The following STXBP5L variants were observed in gnomAD, a reference collection of about 807,000 sequenced individuals.
STXBP5L encodes the protein syntaxin-binding protein 5-like.
Under a neutral mutation model 144.5 loss-of-function variants are expected in STXBP5L, and 65 were observed. The observed-to-expected ratio is 0.45, with a 90% CI of 0.37 to 0.55. The LOEUF is 0.55. STXBP5L is among the 20% of genes least tolerant of loss of function. The probability of loss-of-function intolerance (pLI) is 0.00; values close to 1 mark genes in which losing one functional copy is unlikely to be tolerated. For synonymous variants in STXBP5L, 505 were observed against 469.6 expected (o/e 1.08, Z -0.97); for missense variants, 1,298 against 1,405.5 (o/e 0.92, Z 1.22).
At chr3:121,123,842 T>C (rs1048128213) in intron 7 of STXBP5L, among the ~76,000 whole-genome samples, 2 of 151,840 alleles carry the variant, frequency 1.3e-5, no homozygotes, top group Admixed American at 1.3e-4. Context: ...TTTCCATCAA[T>C]AGTCTTTTGT....
At chr3:121,300,533 C>T (rs982945500) in intron 19 of STXBP5L, among the ~76,000 whole-genome samples, 4 of 151,442 alleles carry the variant, frequency 2.6e-5, no homozygotes, top group African/African-American at 9.7e-5. Flanking sequence ...TTTTTTTCAA[C>T]ATAGGAGAAG....
chr3:121,167,413 C>T (rs1363236699), intron 9 of STXBP5L, among the ~76,000 whole-genome samples: 1 of 152,084 alleles, frequency 6.6e-6, no homozygotes. Flanking sequence ...TAAAAATTCT[C>T]ATCAAAAACA....
intron 5 of STXBP5L, among the ~76,000 whole-genome samples, chr3:121,100,315 C>A (rs1466078170): frequency 6.6e-6 from 1 of 152,140 alleles, no homozygotes; most frequent in Non-Finnish European, 1.5e-5. Context: ...CTTCTGCACA[C>A]AGAACATACT....
chr3:121,079,040 C>G (rs1236541122), intron 5 of STXBP5L, among the ~76,000 whole-genome samples: 5 of 152,252 alleles, frequency 3.3e-5, no homozygotes, highest in Non-Finnish European at 7.3e-5. Flanking sequence ...TCAAGTGCCA[C>G]CAAAGTGGGA....
At chr3:121,142,414 A>G (rs892718933) in intron 7 of STXBP5L, among the ~76,000 whole-genome samples, 3 of 151,990 alleles carry the variant, frequency 2.0e-5, no homozygotes, top group Non-Finnish European at 4.4e-5. Context: ...GACTTAACAT[A>G]TATACAGAAC....
At position 121,354,144 on chromosome 3, in the gene STXBP5L, A is replaced by G. The variant is rs189119133; in HGVS notation, c.2177-24572A>G. Among the ~76,000 whole-genome samples the G allele has an allele frequency of 9.9e-5, 15 of 152,250 alleles. 1 individual carries two copies. The East Asian group carries it at 2.9e-3, about 29-fold the overall frequency. ...AATAAGTGCAATGTGGTGCTGAGAA[A>G]AATGTATATTCTGTTGATTTGGGGT... On this transcript the variant is annotated intron_variant, in intron 20 of 26. Coordinates refer to ENST00000471454, the MANE Select transcript of STXBP5L (RefSeq NM_001308330.2).
At chr3:120,991,643 G>C (rs369975965) in intron 3 of STXBP5L, among the ~76,000 whole-genome samples, 9 of 151,890 alleles carry the variant, frequency 5.9e-5, no homozygotes, top group African/African-American at 1.9e-4. Flanking sequence ...ATGGAATACT[G>C]TGCAGCCATA....
intron 2 of STXBP5L, among the ~76,000 whole-genome samples, chr3:120,935,780 G>A (rs113495143): frequency 1.3e-4 from 20 of 150,338 alleles, no homozygotes; most frequent in African/African-American, 4.6e-4. Context: ...GTTTTTCTGC[G>A]TTTTTTTTTA....
chr3:120,929,314 T>A (rs1169335266), intron 2 of STXBP5L, among the ~76,000 whole-genome samples: 1 of 152,168 alleles, frequency 6.6e-6, no homozygotes, highest in Non-Finnish European at 1.5e-5. Context: ...GGTTGTAGGT[T>A]AGAGTTCTAT....
intron 20 of STXBP5L, among the ~76,000 whole-genome samples, chr3:121,329,576 T>C (rs1365341764): frequency 3.9e-5 from 6 of 152,286 alleles, no homozygotes; most frequent in Non-Finnish European, 8.8e-5. Flanking sequence ...AAGAATGTAG[T>C]AGGGGTGGGA....
chr3:120,939,823 A>C (rs534775981), intron 2 of STXBP5L, among the ~76,000 whole-genome samples: 75 of 152,156 alleles, frequency 4.9e-4, no homozygotes, highest in Non-Finnish European at 1.0e-3. Context: ...CGGTACAAGT[A>C]TTTGTATTAG....
At chr3:121,346,119 A>T (rs1164774419) in intron 20 of STXBP5L, among the ~76,000 whole-genome samples, 1 of 63,102 alleles carries the variant, frequency 1.6e-5, no homozygotes, top group African/African-American at 6.4e-5. Context: ...CCGACCCCAC[A>T]ACAGGCCCCA....
At chr3:121,212,777 A>T (rs577516369) in intron 10 of STXBP5L, among the ~76,000 whole-genome samples, 1 of 152,214 alleles carries the variant, frequency 6.6e-6, no homozygotes, top group Admixed American at 6.5e-5. Flanking sequence ...TGAGGGGGAT[A>T]GCATTGAATC....
At chr3:120,924,250 G>A (rs979777189) in intron 2 of STXBP5L, among the ~76,000 whole-genome samples, 4 of 152,118 alleles carry the variant, frequency 2.6e-5, no homozygotes, top group African/African-American at 9.7e-5. Context: ...AATTAGAAAA[G>A]CCCAAAGAAA....
chr3:121,373,357 T>C (rs751724025), intron 20 of STXBP5L, among the ~76,000 whole-genome samples: 2 of 152,214 alleles, frequency 1.3e-5, no homozygotes, highest in Non-Finnish European at 2.9e-5. Context: ...CTGAGCCTAG[T>C]ATAAGGAGCT....
intron 3 of STXBP5L, among the ~76,000 whole-genome samples, chr3:121,018,382 A>G (rs189694997): frequency 6.6e-6 from 1 of 152,298 alleles, no homozygotes; most frequent in East Asian, 1.9e-4. Context: ...TAAATAGATC[A>G]ATGATACAAA....
intron 22 of STXBP5L, among the ~76,000 whole-genome samples, chr3:121,403,291 G>A (rs1331001382): frequency 6.6e-6 from 1 of 152,102 alleles, no homozygotes; most frequent in Non-Finnish European, 1.5e-5. Context: ...GCAGTGAAGA[G>A]GTTAATACAA....
At chr3:121,023,093 C>G (rs1025960569) in intron 3 of STXBP5L, among the ~76,000 whole-genome samples, 1 of 151,992 alleles carries the variant, frequency 6.6e-6, no homozygotes, top group Non-Finnish European at 1.5e-5. Context: ...AGTAGCTCTT[C>G]TATACACCAA....
At chr3:121,158,633 A>T (rs768690351) in intron 9 of STXBP5L, 1 of 152,174 alleles carries the variant, frequency 6.6e-6, no homozygotes, top group Non-Finnish European at 1.5e-5. Context: ...AGAGATTGCC[A>T]TTACAGAAAC....
Sources: allele counts gnomAD v4.1 joint callset (sites outside exome capture counted in the v4.1 genomes callset), GRCh38; gene constraint gnomAD v4.1.1; transcripts MANE v1.5; gene names NCBI Gene and HGNC (gene_info 2026-07-23, HGNC 2026-07-21).